The following GLIS3 variants were observed in gnomAD, a reference collection of about 807,000 sequenced individuals.
GLIS3 encodes GLIS family zinc finger 3.
A neutral mutation model predicts 78.6 loss-of-function variants in GLIS3; 53 were observed. The observed-to-expected ratio is 0.67, with a 90% CI of 0.54 to 0.85. The LOEUF is 0.85. GLIS3 is among the 40% of genes least tolerant of loss of function. GLIS3 has a pLI of 0.00. For missense variants in GLIS3, 1,703 were observed against 1,231.1 expected, an observed-to-expected ratio of 1.38 and a Z score of -5.74; for synonymous variants, 684 against 509.9, an observed-to-expected ratio of 1.34 and a Z score of -4.60.
At chr9:3,880,834 C>G (rs1483959603) in intron 7 of GLIS3, among the ~76,000 whole-genome samples, 1 of 152,180 alleles carries the variant, frequency 6.6e-6, no homozygotes, top group Non-Finnish European at 1.5e-5. Flanking sequence ...GCTCAAAAAG[C>G]TACTGACAAG....
chr9:4,294,719 T>A (rs562403930), intron 1 of GLIS3, among the ~76,000 whole-genome samples: 1 of 152,198 alleles, frequency 6.6e-6, no homozygotes, highest in Non-Finnish European at 1.5e-5. Context: ...GGGTCATAGC[T>A]AATTTATCTT....
chr9:4,368,918 A>G, the GLIS3 span, among the ~76,000 whole-genome samples: 320 of 152,336 alleles, frequency 2.1e-3, 1 homozygote, highest in African/African-American at 6.7e-3. Context: ...AAGCTCTTCA[A>G]TGAGAATAAT....
the GLIS3 span, among the ~76,000 whole-genome samples, chr9:4,464,999 A>T: frequency 1.3e-5 from 2 of 152,352 alleles, no homozygotes; most frequent in Non-Finnish European, 2.9e-5. Context: ...CTATAAATGG[A>T]TGTGGCCAAG....
chr9:4,255,441 A>G (rs1824833613), intron 2 of GLIS3, among the ~76,000 whole-genome samples: 1 of 152,242 alleles, frequency 6.6e-6, no homozygotes, highest in Non-Finnish European at 1.5e-5. Flanking sequence ...CTTTATTCAC[A>G]GTTGGCAGAA....
At position 3,829,207 on chromosome 9, in the gene GLIS3, G is replaced by A. The variant is rs60924064; in HGVS notation, c.2656+103C>T. The A allele has an allele frequency of 7.6e-3, 7,059 of 930,962 alleles. 236 individuals carry two copies. In the African/African-American group the frequency reaches 0.077, roughly 10 times the overall value. 57.7% of individuals were successfully genotyped at this position (930,962 alleles called of 1,614,324 possible). A position where few individuals can be genotyped will look rare whatever the true frequency, so the allele number is the denominator to read the frequency against. On this transcript the variant is annotated intron_variant, in intron 10 of 10. Transcript: ENST00000381971. The stretch of plus-strand genomic sequence containing the variant: ...GGGGTCGTTCAACAGGATTTGATGC[G>A]GTCATGTGCTTGGTCACGTCCAGCC...
intron 4 of GLIS3, among the ~76,000 whole-genome samples, chr9:4,050,628 T>C (rs963447387): frequency 6.6e-6 from 1 of 152,122 alleles, no homozygotes; most frequent in African/African-American, 2.4e-5. Flanking sequence ...AAAAAAATCT[T>C]CCGAGGAATG....
At chr9:3,969,942 C>G (rs1349404978) in intron 4 of GLIS3, among the ~76,000 whole-genome samples, 1 of 152,198 alleles carries the variant, frequency 6.6e-6, no homozygotes, top group Non-Finnish European at 1.5e-5. Context: ...AGGGGCAAAT[C>G]TTGCAACTTG....
At chr9:4,222,369 G>A (rs1342940321) in intron 2 of GLIS3, among the ~76,000 whole-genome samples, 1 of 152,188 alleles carries the variant, frequency 6.6e-6, no homozygotes, top group Non-Finnish European at 1.5e-5. Context: ...TCATAACTCA[G>A]TTCTTCCAGA....
intron 2 of GLIS3, among the ~76,000 whole-genome samples, chr9:4,233,117 C>G (rs1822418506): frequency 1.3e-5 from 2 of 152,216 alleles, no homozygotes; most frequent in South Asian, 2.1e-4. Context: ...AAGGTGACAT[C>G]TTTGACATCT....
rs1004608610 is a variant in GLIS3 at position 4,059,829 on chromosome 9, T to TGAGAGA, written c.1710+57933_1710+57938dup. Among the ~76,000 whole-genome samples, 355 of 100,640 alleles carry TGAGAGA rather than the reference T, an allele frequency of 3.5e-3. 1 individual carries two copies. The highest frequency in any genetic ancestry group is 6.9e-3 in the African/African-American group (203 of 29,474). The allele number at this position is 100,640 out of a possible 152,430, so 66.0% of individuals were successfully genotyped here. On this transcript the variant is annotated intron_variant, in intron 4 of 10. Transcript: ENST00000381971. ...TTGTGTGTGTGTGTGTGTGTGTGTG[T>TGAGAGA]GAGAGAGAGAGAGAGAGAGAGAGAG... is the stretch of plus-strand genomic sequence containing the variant.
intron 2 of GLIS3, among the ~76,000 whole-genome samples, chr9:4,216,301 C>T (rs555212167): frequency 2.0e-3 from 300 of 151,672 alleles, no homozygotes; most frequent in Middle Eastern, 6.8e-3. Context: ...TGAAACCCCG[C>T]CTCTACTAAA....
At position 3,828,256 on chromosome 9, in the gene GLIS3, G is replaced by A; in HGVS notation, c.*16C>T. On this transcript the variant is annotated 3_prime_UTR_variant, in exon 11 of 11. Transcript: ENST00000381971. ...ACATCAAGGTCCTGGGTGTGCAGGAGTGGCCAAGAGAGCTTTTAGCCTTCG... is the reference window on the plus strand; with the variant it reads ...ACATCAAGGTCCTGGGTGTGCAGGAATGGCCAAGAGAGCTTTTAGCCTTCG... 3 of 1,613,994 alleles carry A rather than the reference G, an allele frequency of 1.9e-6. No homozygotes were observed. Among genetic ancestry groups the A allele is most frequent in the Non-Finnish European group, 2.5e-6 (3 of 1,179,988 alleles).
chr9:4,470,502 G>A, the GLIS3 span, among the ~76,000 whole-genome samples: 24 of 152,124 alleles, frequency 1.6e-4, no homozygotes, highest in African/African-American at 5.5e-4. Context: ...AAAGACAAAA[G>A]CCACATGATT....
At chr9:3,903,573 C>A (rs1370388719) in intron 6 of GLIS3, among the ~76,000 whole-genome samples, 1 of 152,186 alleles carries the variant, frequency 6.6e-6, no homozygotes, top group East Asian at 1.9e-4. Flanking sequence ...CTGATGTATC[C>A]TTCTCATTCA....
intron 6 of GLIS3, among the ~76,000 whole-genome samples, chr9:3,929,160 G>A (rs1167516468): frequency 1.3e-5 from 2 of 152,014 alleles, no homozygotes; most frequent in Non-Finnish European, 2.9e-5. Flanking sequence ...TGAGTATTTC[G>A]CTACCCATTT....
intron 4 of GLIS3, among the ~76,000 whole-genome samples, chr9:4,093,450 G>T (rs1435176712): frequency 1.3e-5 from 2 of 152,176 alleles, no homozygotes; most frequent in African/African-American, 4.8e-5. Context: ...TCCTCCCTCG[G>T]GTTGGCAGGG....
intron 4 of GLIS3, among the ~76,000 whole-genome samples, chr9:4,117,464 T>C (rs1358398437): frequency 6.6e-6 from 1 of 152,204 alleles, no homozygotes; most frequent in African/African-American, 2.4e-5. Context: ...TGCACATCCA[T>C]ACACATTAAG....
chr9:4,182,026 A>G (rs1329295972), intron 2 of GLIS3, among the ~76,000 whole-genome samples: 7 of 152,378 alleles, frequency 4.6e-5, no homozygotes, highest in Non-Finnish European at 7.3e-5. Context: ...TGATAAAGCA[A>G]GTATAGCTTT....
chr9:4,387,831 G>A, the GLIS3 span, among the ~76,000 whole-genome samples: 5 of 152,140 alleles, frequency 3.3e-5, no homozygotes, highest in South Asian at 8.3e-4. Context: ...TTTCACAAGA[G>A]AATTTAAAAG....
Sources: gnomAD v4.1 joint callset for allele counts (sites outside exome capture counted in the v4.1 genomes callset) on GRCh38, gnomAD v4.1.1 for gene constraint, MANE v1.5 for transcripts, NCBI Gene and HGNC (gene_info 2026-07-23, HGNC 2026-07-21) for gene names.